The following TERT variants were observed in gnomAD, a reference collection of about 807,000 sequenced individuals.
The protein encoded by TERT is telomerase reverse transcriptase.
Under a neutral mutation model 104.0 loss-of-function variants are expected in TERT, and 42 were observed. The ratio of observed to expected loss-of-function variants is 0.40; its 90% CI spans 0.32 to 0.52. The LOEUF (loss-of-function observed/expected upper bound fraction) is 0.52. Among genes scored for constraint, TERT ranks in the 20% least tolerant of loss-of-function variants. The pLI is 0.43. For synonymous variants in TERT, 781 were observed against 725.6 expected (o/e 1.08, Z -1.23); for missense variants, 1,101 against 1,610.3 (o/e 0.68, Z 5.41).
At position 1,274,685 on chromosome 5, in the gene TERT, C is replaced by G. The variant is rs182641677; in HGVS notation, c.2287-2405G>C. Among the ~76,000 whole-genome samples, 1 of 152,344 alleles carries G rather than the reference C, an allele frequency of 6.6e-6. No homozygotes were observed. Among genetic ancestry groups the G allele is most frequent in the Non-Finnish European group, 1.5e-5 (1 of 68,034 alleles). ...AGGCGGGAACGCTGGCTCCCCACAC[C>G]CCACCTAGCCTCCCGCTGTGCGCCG... is the stretch of plus-strand genomic sequence containing the variant. On this transcript the variant is annotated intron_variant, in intron 6 of 15. Coordinates refer to ENST00000310581, the MANE Select transcript of TERT (RefSeq NM_198253.3). This position sits in a 1 kb window ranked among gnomAD's most constrained non-coding sequence, Gnocchi z 5.3.
rs1005402293 is a variant in TERT at position 1,262,644 on chromosome 5, T to C, written c.2843+1760A>G. Among the ~76,000 whole-genome samples, 2 of 152,182 alleles carry C rather than the reference T, an allele frequency of 1.3e-5. No individual in the cohort carries two copies. The highest frequency in any genetic ancestry group is 4.8e-5 in the African/African-American group (2 of 41,436). On this transcript the variant is annotated intron_variant, in intron 11 of 15. Coordinates refer to ENST00000310581, the MANE Select transcript of TERT (RefSeq NM_198253.3). The surrounding 1 kb of genome is among the most constrained non-coding windows in gnomAD (Gnocchi z 5.6). ...TTTGGGAGCACAGAATATTCTGGCA[T>C]TGGACCCACATCTGATGACCTGATG...
At chr5:1,289,420 G>A (rs35260354) in intron 2 of TERT, among the ~76,000 whole-genome samples, 7 of 73,380 alleles carry the variant, frequency 9.5e-5, no homozygotes, top group Admixed American at 5.4e-4. Context: ...ACCCGGGGAC[G>A]GCGCCTCACT....
Position 1,261,641 on chromosome 5 carries a change from C to A in TERT, c.2844-1041G>T, listed in dbSNP as rs1018521547. Among the ~76,000 whole-genome samples, 5 of 152,212 alleles carry A rather than the reference C, an allele frequency of 3.3e-5. No individual in the cohort carries two copies. Among genetic ancestry groups the A allele is most frequent in the Admixed American group, 1.3e-4 (2 of 15,292 alleles). On this transcript the variant is annotated intron_variant, in intron 11 of 15. Coordinates refer to ENST00000310581, the MANE Select transcript of TERT (RefSeq NM_198253.3). The surrounding 1 kb of genome is among the most constrained non-coding windows in gnomAD (Gnocchi z 7.4). ...GTGCGTTTCTTTGAGGGATGGGTCTCGCTGTCAGTTTCACATGCATTTCTT... is the reference window on the plus strand; with the variant it reads ...GTGCGTTTCTTTGAGGGATGGGTCTAGCTGTCAGTTTCACATGCATTTCTT...
chr5:1,293,937 A>G lies in TERT; in HGVS notation c.949T>C (p.Trp317Arg). The part of the protein sequence containing the change: ...PPSTSRPPRP[W>R]DTPCPPVYAE... ...TACACCGGGGGACAAGGCGTGTCCCAGGGACGTGGTGGCCGCGATGTGGAT... is the reference window on the plus strand; with the variant it reads ...TACACCGGGGGACAAGGCGTGTCCCGGGGACGTGGTGGCCGCGATGTGGAT... Residue 317 changes from tryptophan to arginine, a missense_variant, in exon 2 of 16, where the codon TGG becomes CGG. By Grantham distance (101) the Trp-to-Arg change is moderately radical (BLOSUM62 -3). This residue lies in a region of TERT where 504 missense variants were observed against 544.6 expected (regional missense o/e 0.93). Coordinates refer to ENST00000310581, the MANE Select transcript of TERT (RefSeq NM_198253.3). The G allele has an allele frequency of 6.5e-7, 1 of 1,545,070 alleles. No individual in the cohort carries two copies. The highest frequency in any genetic ancestry group is 1.2e-5 in the South Asian group (1 of 84,298).
intron 2 of TERT, among the ~76,000 whole-genome samples, chr5:1,283,866 G>A (rs1270242399): frequency 1.5e-5 from 2 of 130,330 alleles, no homozygotes; most frequent in African/African-American, 5.9e-5. Flanking sequence ...CGGACACGGG[G>A]ACACCGCACA....
intron 7 of TERT, 61 bp downstream of exon 7, chr5:1,272,124 T>C (rs1749083423): frequency 7.4e-7 from 1 of 1,343,482 alleles, no homozygotes; most frequent in Non-Finnish European, 1.0e-6. Flanking sequence ...GCCCAGTGAT[T>C]GCCCAGGGGA....
chr5:1,280,134 G>A, intron 4 of TERT, 24 bp downstream of exon 4: 1 of 1,613,642 alleles, frequency 6.2e-7, no homozygotes, highest in South Asian at 1.1e-5. Context: ...GTTTAAAAAG[G>A]AAGTTAAACC....
In TERT at chr5:1,294,102, T is replaced by C; in HGVS notation, c.784A>G (p.Thr262Ala). The change falls in exon 2 of 16, where the codon ACG (threonine) becomes GCG (alanine). Residue 262 changes from threonine (T) to alanine (A), a missense_variant. By Grantham distance (58) the Thr-to-Ala change is moderately conservative. Transcript: ENST00000310581. ...GQGSWAHPGR[T>A]RGPSDRGFCV... ...AAACCACGGTCACTCGGTCCACGCG[T>C]CCTGCCCGGGTGGGCCCAGGACCCC... The C allele has an allele frequency of 1.3e-6, 2 of 1,587,478 alleles. No individual in the cohort carries two copies. Among genetic ancestry groups the C allele is most frequent in the Non-Finnish European group, 1.7e-6 (2 of 1,169,342 alleles).
At chr5:1,278,041 C>T (rs915976396) in intron 6 of TERT, among the ~76,000 whole-genome samples, 14 of 152,280 alleles carry the variant, frequency 9.2e-5, no homozygotes, top group Middle Eastern at 3.4e-3. Context: ...CTCATGGAGC[C>T]GGCATAGGCC....
At chr5:1,260,905 AAC>A (rs1240956067) in intron 11 of TERT, among the ~76,000 whole-genome samples, 1 of 152,210 alleles carries the variant, frequency 6.6e-6, no homozygotes, top group African/African-American at 2.4e-5. Context: ...CTCAGCCAAA[AAC>A]ACATAATAAA....
chr5:1,289,338 T>G (rs1236183233), intron 2 of TERT, among the ~76,000 whole-genome samples: 12 of 64,380 alleles, frequency 1.9e-4, no homozygotes, highest in African/African-American at 4.7e-4. Flanking sequence ...CCGGGGACAG[T>G]GCCTCACTCA....
intron 3 of TERT, among the ~76,000 whole-genome samples, chr5:1,281,521 G>A (rs528262685): frequency 5.1e-4 from 78 of 152,352 alleles, no homozygotes; most frequent in African/African-American, 1.8e-3. Flanking sequence ...CAGCCAGGCT[G>A]GCATCTCCCA....
intron 15 of TERT, among the ~76,000 whole-genome samples, chr5:1,254,117 C>G (rs1394944728): frequency 6.6e-6 from 1 of 152,176 alleles, no homozygotes; most frequent in Non-Finnish European, 1.5e-5. Context: ...TCAGAAGGCT[C>G]CCAAGCGTGG....
rs1381925894 is a variant in TERT at position 1,286,149 on chromosome 5, T to A, written c.1574-3525A>T. 5.3e-5 allele frequency among the ~76,000 whole-genome samples: 8 copies of A among 152,102 alleles called. No homozygotes were observed. Among genetic ancestry groups the A allele is most frequent in the Non-Finnish European group, 1.2e-4 (8 of 68,024 alleles). On this transcript the variant is annotated intron_variant, in intron 2 of 15. Transcript: ENST00000310581. This position sits in a 1 kb window ranked among gnomAD's most constrained non-coding sequence, Gnocchi z 5.3. ...TGGCTAAGGAACGCTGGCCACGTGG[T>A]GCTCCAGACACTCACGGGCCAAGAT...
chr5:1,293,757 G>T lies in TERT; in HGVS notation c.1129C>A (p.Arg377Ser), dbSNP rs1189184129. ...GSRPWMPGTP[R>S]RLPRLPQRYW... ...CGCTGGGGCAGGCGGGGCAACCTGC[G>T]GGGAGTCCCTGGCATCCAGGGCCTG... is the stretch of plus-strand genomic sequence containing the variant. The change falls in exon 2 of 16, where the codon CGC becomes AGC. Residue 377 changes from arginine to serine, a missense_variant. Physicochemically the swap from Arg to Ser is moderately radical, Grantham distance 110. Coordinates refer to ENST00000310581, the MANE Select transcript of TERT (RefSeq NM_198253.3). 6.4e-7 allele frequency: 1 copy of T among 1,558,806 alleles called. No individual in the cohort carries two copies. Among genetic ancestry groups the T allele is most frequent in the East Asian group, 2.4e-5 (1 of 42,022 alleles).
In TERT at chr5:1,274,397, C is replaced by T. The variant is rs997130076; in HGVS notation, c.2287-2117G>A. On this transcript the variant is annotated intron_variant, in intron 6 of 15. Coordinates refer to ENST00000310581, the MANE Select transcript of TERT (RefSeq NM_198253.3). The surrounding 1 kb of genome is among the most constrained non-coding windows in gnomAD (Gnocchi z 5.3). ...AGAAAAGCCAATATATCAACACTGA[C>T]GAGAGGCTGCTGAAGCAGGTCTTTA... Among the ~76,000 whole-genome samples the T allele has an allele frequency of 6.6e-6, 1 of 152,180 alleles. No homozygotes were observed. Among genetic ancestry groups the T allele is most frequent in the African/African-American group, 2.4e-5 (1 of 41,422 alleles).
rs1178504610 is a variant in TERT at position 1,256,689 on chromosome 5, C to G, written c.3033-1278G>C. On this transcript the variant is annotated intron_variant, in intron 13 of 15. Transcript: ENST00000310581. The surrounding 1 kb of genome is among the most constrained non-coding windows in gnomAD (Gnocchi z 7.0). ...ACTCTGCTGAGGTGGGATGTCTTTT[C>G]CCCATTTAGCAACAACGGAAGCCAG... Among the ~76,000 whole-genome samples the G allele has an allele frequency of 6.6e-6, 1 of 152,204 alleles. No individual in the cohort carries two copies. Among genetic ancestry groups the G allele is most frequent in the African/African-American group, 2.4e-5 (1 of 41,448 alleles).
At position 1,263,236 on chromosome 5, in the gene TERT, A is replaced by C. The variant is rs545044127; in HGVS notation, c.2843+1168T>G. 6.6e-6 allele frequency among the ~76,000 whole-genome samples: 1 copy of C among 152,226 alleles called. No homozygotes were observed. The highest frequency in any genetic ancestry group is 1.5e-5 in the Non-Finnish European group (1 of 68,030). On this transcript the variant is annotated intron_variant, in intron 11 of 15. Coordinates refer to ENST00000310581, the MANE Select transcript of TERT (RefSeq NM_198253.3). The surrounding 1 kb of genome is among the most constrained non-coding windows in gnomAD (Gnocchi z 5.3). ...TGTTAACTCAGAACGACAGGACCCCAGTTTAAACCTCTGGTTTAACAACCA... is the reference window on the plus strand; with the variant it reads ...TGTTAACTCAGAACGACAGGACCCCCGTTTAAACCTCTGGTTTAACAACCA...
At chr5:1,258,038 C>T (rs530077734) in intron 13 of TERT, among the ~76,000 whole-genome samples, 4 of 152,316 alleles carry the variant, frequency 2.6e-5, no homozygotes, top group East Asian at 1.9e-4. Context: ...ATAAAGTTGT[C>T]GATTCTTGGC....
Sources: allele counts gnomAD v4.1 joint callset (sites outside exome capture counted in the v4.1 genomes callset), GRCh38; gene constraint gnomAD v4.1.1; regional missense constraint gnomAD v4.1.1; non-coding constraint Gnocchi (gnomAD v3.1); transcripts MANE v1.5; gene names NCBI Gene and HGNC (gene_info 2026-07-23, HGNC 2026-07-21).